Variants in FBXL13 observed in about 807,000 individuals in gnomAD.
FBXL13 encodes F-box and leucine rich repeat protein 13.
A neutral mutation model predicts 83.6 loss-of-function variants in FBXL13; 67 were observed. That is an observed-to-expected ratio of 0.80 (90% CI 0.66 to 0.98). The LOEUF is 0.98. Ranked by LOEUF, FBXL13 falls within the 50% of genes least tolerant of loss-of-function variation. The pLI, the probability that FBXL13 is intolerant of heterozygous loss-of-function variation, is 0.00. For synonymous variants in FBXL13, 272 were observed against 299.5 expected (o/e 0.91, Z 0.95); for missense variants, 822 against 866.5 (o/e 0.95, Z 0.64).
At chr7:103,061,825 C>A (rs2129499583) in intron 1 of FBXL13, among the ~76,000 whole-genome samples, 1 of 151,476 alleles carries the variant, frequency 6.6e-6, no homozygotes, top group South Asian at 2.1e-4. Context: ...GTAGTCCCAG[C>A]TACTCAGGAG....
chr7:102,903,592 T>C (rs1193415378), intron 11 of FBXL13, among the ~76,000 whole-genome samples: 1 of 152,166 alleles, frequency 6.6e-6, no homozygotes, highest in African/African-American at 2.4e-5. Context: ...ATGTTTCTTC[T>C]ATCCCTAGTT....
intron 11 of FBXL13, among the ~76,000 whole-genome samples, chr7:102,910,576 C>T (rs933646552): frequency 1.3e-5 from 2 of 151,972 alleles, no homozygotes; most frequent in Non-Finnish European, 2.9e-5. Context: ...CCTTCTTAGA[C>T]ACCACGTGAA....
At position 102,946,879 on chromosome 7, in the gene FBXL13, T is replaced by C. The variant is rs534593714; in HGVS notation, c.725-14946A>G. On this transcript the variant is annotated intron_variant, in intron 8 of 19. Transcript: ENST00000313221. ...TAGTAGAGACGGGGGTTTTGCCATG[T>C]TGGTCAGGCTGGTCTCGAACTCTTG... is the stretch of plus-strand genomic sequence containing the variant. Among the ~76,000 whole-genome samples the C allele has an allele frequency of 3.2e-3, 492 of 152,096 alleles. 3 individuals carry two copies. Among genetic ancestry groups the C allele is most frequent in the African/African-American group, 0.011 (475 of 41,506 alleles).
intron 18 of FBXL13, among the ~76,000 whole-genome samples, chr7:102,826,045 GT>G (rs574794144): frequency 4.3e-4 from 66 of 152,204 alleles, no homozygotes; most frequent in African/African-American, 1.5e-3. Flanking sequence ...ATTAATATAT[GT>G]GATTTTTTTT....
chr7:103,000,919 G>A (rs772717132), intron 6 of FBXL13, among the ~76,000 whole-genome samples: 2 of 151,736 alleles, frequency 1.3e-5, no homozygotes, highest in African/African-American at 4.8e-5. Flanking sequence ...CTCTTTTTTG[G>A]TTTCCAATTA....
At chr7:102,882,593 C>A (rs1810247951) in intron 14 of FBXL13, among the ~76,000 whole-genome samples, 1 of 152,048 alleles carries the variant, frequency 6.6e-6, no homozygotes, top group South Asian at 2.1e-4. Context: ...AAAACCCTCT[C>A]TCTACTAAAA....
chr7:102,830,346 G>A (rs189293811), intron 18 of FBXL13, among the ~76,000 whole-genome samples: 1 of 152,134 alleles, frequency 6.6e-6, no homozygotes, highest in South Asian at 2.1e-4. Context: ...TTTATAGCCA[G>A]GGCAGTTCTC....
intron 2 of FBXL13, among the ~76,000 whole-genome samples, chr7:103,035,855 A>G (rs759304961): frequency 3.9e-5 from 6 of 152,246 alleles, no homozygotes; most frequent in Non-Finnish European, 7.3e-5. Flanking sequence ...ACCATATTAT[A>G]AAGTACCATG....
chr7:102,830,031 G>C (rs531550055), intron 18 of FBXL13, among the ~76,000 whole-genome samples: 1 of 152,222 alleles, frequency 6.6e-6, no homozygotes, highest in African/African-American at 2.4e-5. Context: ...TTGTATCAGC[G>C]TTCTAAAATA....
intron 6 of FBXL13, among the ~76,000 whole-genome samples, chr7:103,004,756 A>G (rs1790798085): frequency 6.6e-6 from 1 of 152,090 alleles, no homozygotes; most frequent in Non-Finnish European, 1.5e-5. Flanking sequence ...GTCTGCTGAG[A>G]GTTTTTCATT....
At chr7:103,073,894 A>ACCTC (rs1799315525) in intron 1 of FBXL13, among the ~76,000 whole-genome samples, 1 of 151,656 alleles carries the variant, frequency 6.6e-6, no homozygotes. Context: ...CTTTGCTCGA[A>ACCTC]CCTCCTACTG....
chr7:102,908,648 G>T (rs527632265), intron 11 of FBXL13, among the ~76,000 whole-genome samples: 93 of 152,290 alleles, frequency 6.1e-4, no homozygotes, highest in African/African-American at 2.2e-3. Flanking sequence ...TGTGGTTCTC[G>T]CACACTTGTC....
intron 11 of FBXL13, among the ~76,000 whole-genome samples, chr7:102,903,837 G>C (rs1023605780): frequency 4.7e-5 from 7 of 149,760 alleles, no homozygotes; most frequent in Admixed American, 1.3e-4. Flanking sequence ...CATGTTGAAT[G>C]ATCTTTCTAA....
At chr7:102,846,382 C>T (rs990139005) in intron 17 of FBXL13, among the ~76,000 whole-genome samples, 2 of 152,116 alleles carry the variant, frequency 1.3e-5, no homozygotes. Context: ...ACTTTGGAGG[C>T]TGAGGCAGGC....
rs146336350 is a variant in FBXL13, at chr7:103,049,724, T to C, written c.-1+5920A>G. Among the ~76,000 whole-genome samples the C allele has an allele frequency of 2.8e-3, 432 of 152,336 alleles. 4 individuals are homozygous for C. The highest frequency in any genetic ancestry group is 9.9e-3 in the African/African-American group (412 of 41,576). On this transcript the variant is annotated intron_variant, in intron 2 of 19. Coordinates refer to ENST00000313221, the Ensembl canonical transcript of FBXL13. ...TTTTAATTAAGCTGACTTTTAACCATAGCACTCTTTAATAAAGTCCTTTTA... is the reference window on the plus strand; with the variant it reads ...TTTTAATTAAGCTGACTTTTAACCACAGCACTCTTTAATAAAGTCCTTTTA...
intron 6 of FBXL13, among the ~76,000 whole-genome samples, chr7:102,994,548 C>T (rs1489746935): frequency 6.6e-6 from 1 of 152,008 alleles, no homozygotes; most frequent in Non-Finnish European, 1.5e-5. Flanking sequence ...AAAGGAATTT[C>T]GAGAAGAGAG....
intron 6 of FBXL13, among the ~76,000 whole-genome samples, chr7:103,016,317 T>TGGG (rs201076740): frequency 2.8e-4 from 13 of 46,290 alleles, no homozygotes; most frequent in Middle Eastern, 0.013. Context: ...AACAGAAATG[T>TGGG]GGGGGGGGTG....
chr7:102,953,989 C>T (rs1342408899), intron 8 of FBXL13, among the ~76,000 whole-genome samples: 2 of 152,122 alleles, frequency 1.3e-5, no homozygotes, highest in East Asian at 1.9e-4. Context: ...GGAACAGCTC[C>T]GGTCTGCAGC....
At chr7:103,043,674 A>C (rs758072407) in intron 2 of FBXL13, among the ~76,000 whole-genome samples, 2 of 152,108 alleles carry the variant, frequency 1.3e-5, no homozygotes, top group Non-Finnish European at 2.9e-5. Flanking sequence ...ACCATGCCCA[A>C]CTAATTTTTT....
Sources: gnomAD v4.1 joint callset for allele counts (sites outside exome capture counted in the v4.1 genomes callset) on GRCh38, gnomAD v4.1.1 for gene constraint, MANE v1.5 for transcripts, NCBI Gene and HGNC (gene_info 2026-07-23, HGNC 2026-07-21) for gene names.